The following FYB1 variants were observed in gnomAD, a reference collection of about 807,000 sequenced individuals.
The protein encoded by FYB1 is FYN binding protein 1, also known as FYN-binding protein 1.
FYB1 carries 41 observed loss-of-function variants against 94.1 expected under a neutral mutation model. The ratio of observed to expected loss-of-function variants is 0.44; its 90% CI spans 0.34 to 0.57. The LOEUF is 0.57. Among genes scored for constraint, FYB1 ranks in the 20% least tolerant of loss-of-function variants. The pLI, the probability that FYB1 is intolerant of heterozygous loss-of-function variation, is 0.02. For missense variants in FYB1, 1,050 were observed against 976.8 expected (o/e 1.07, Z -1.00); for synonymous variants, 367 against 353.2 (o/e 1.04, Z -0.44).
intron 1 of FYB1, among the ~76,000 whole-genome samples, chr5:39,238,592 T>C (rs1413784263): frequency 6.6e-6 from 1 of 151,928 alleles, no homozygotes; most frequent in African/African-American, 2.4e-5. Flanking sequence ...TGTAGTCAAA[T>C]AGGGAACTAT....
At chr5:39,118,811 T>G in intron 16 of FYB1, 63 bp downstream of exon 16, 1 of 1,080,940 alleles carries the variant, frequency 9.3e-7, no homozygotes, top group East Asian at 2.8e-5. Context: ...CTAAAACTTG[T>G]TTGGTTGTTA....
chr5:39,190,793 A>ATGT lies in FYB1; in HGVS notation c.1135+11032_1135+11033insACA, dbSNP rs1212353007. The stretch of plus-strand genomic sequence containing the variant: ...TTGTGTGTGTGTGTGTGTGTGTGTG[A>ATGT]GAGAGAGATGTTGGCTTTGTTACAC... On this transcript the variant is annotated intron_variant, in intron 2 of 18. Coordinates refer to ENST00000512982, the MANE Select transcript of FYB1 (RefSeq NM_001465.6). 9.6e-3 allele frequency among the ~76,000 whole-genome samples: 1,416 copies of ATGT among 147,892 alleles called. 34 individuals are homozygous for ATGT. In the East Asian group the frequency reaches 0.11, roughly 12 times the overall value.
intron 1 of FYB1, among the ~76,000 whole-genome samples, chr5:39,207,015 C>A (rs954346294): frequency 1.3e-4 from 19 of 151,892 alleles, no homozygotes; most frequent in Non-Finnish European, 2.9e-5. Flanking sequence ...TACTTTTTTC[C>A]CTTGCTAGTT....
intron 2 of FYB1, among the ~76,000 whole-genome samples, chr5:39,190,463 C>CAGCTGT (rs1395313270): frequency 2.6e-5 from 4 of 152,084 alleles, no homozygotes; most frequent in Admixed American, 2.6e-4. Flanking sequence ...GCAGGGCCCC[C>CAGCTGT]AGCTGGTAGG....
At chr5:39,143,588 A>G (rs1189489543) in intron 3 of FYB1, among the ~76,000 whole-genome samples, 1 of 152,136 alleles carries the variant, frequency 6.6e-6, no homozygotes, top group Admixed American at 6.5e-5. Flanking sequence ...TATCACTCTC[A>G]TGTCCCATAG....
Position 39,134,192 on chromosome 5 carries a change from A to T in FYB1, c.1817+16T>A. The stretch of plus-strand genomic sequence containing the variant: ...GAGACAGTTTGATCTGTTCTACAAT[A>T]CGTACTTGCACATACCTGCTAATAT... On this transcript the variant is annotated intron_variant, in intron 9 of 18. Coordinates refer to ENST00000512982, the MANE Select transcript of FYB1 (RefSeq NM_001465.6). 6.3e-7 allele frequency: 1 copy of T among 1,594,118 alleles called. No individual in the cohort carries two copies.
intron 1 of FYB1, among the ~76,000 whole-genome samples, chr5:39,204,631 G>A (rs1748681258): frequency 6.6e-6 from 1 of 152,090 alleles, no homozygotes; most frequent in African/African-American, 2.4e-5. Context: ...TTGTATCCCT[G>A]CATCACCTAG....
At chr5:39,263,442 A>G (rs1579808071) in intron 1 of FYB1, among the ~76,000 whole-genome samples, 1 of 151,928 alleles carries the variant, frequency 6.6e-6, no homozygotes, top group Admixed American at 6.6e-5. Context: ...TTGCAGAAGG[A>G]GAGGATATGA....
chr5:39,148,747 C>T (rs1371183966), intron 3 of FYB1, among the ~76,000 whole-genome samples: 1 of 152,038 alleles, frequency 6.6e-6, no homozygotes, highest in African/African-American at 2.4e-5. Flanking sequence ...CCAAAAAACC[C>T]TTTAAACTAA....
chr5:39,224,707 C>G (rs1019306118), intron 1 of FYB1, among the ~76,000 whole-genome samples: 2 of 152,184 alleles, frequency 1.3e-5, no homozygotes, highest in Admixed American at 6.5e-5. Context: ...TTACTCAACT[C>G]AACACTCATG....
intron 2 of FYB1, among the ~76,000 whole-genome samples, chr5:39,164,704 C>T (rs543959824): frequency 5.8e-4 from 88 of 152,282 alleles, no homozygotes; most frequent in African/African-American, 2.0e-3. Flanking sequence ...TGTGAGCCAC[C>T]ATGACTGGCC....
chr5:39,139,414 A>T, intron 4 of FYB1, 162 bp from the exon 5 acceptor site: 1 of 542,632 alleles, frequency 1.8e-6, no homozygotes, highest in Non-Finnish European at 2.9e-6. Context: ...CGTACTTTAG[A>T]TCTTTACTAT....
intron 2 of FYB1, among the ~76,000 whole-genome samples, chr5:39,188,533 T>A (rs115177762): frequency 1.8e-5 from 2 of 113,808 alleles, no homozygotes; most frequent in South Asian, 3.2e-4. Context: ...TCTCATCAAC[T>A]ACAGCACTTT....
chr5:39,201,235 G>T (rs1304984824), intron 2 of FYB1, among the ~76,000 whole-genome samples: 1 of 152,170 alleles, frequency 6.6e-6, no homozygotes, highest in African/African-American at 2.4e-5. Context: ...AGGAGGGCTT[G>T]TCATCTCTGT....
At chr5:39,162,477 G>A (rs867835994) in intron 2 of FYB1, among the ~76,000 whole-genome samples, 1 of 152,234 alleles carries the variant, frequency 6.6e-6, no homozygotes, top group African/African-American at 2.4e-5. Context: ...ATGAGGTCAA[G>A]AGATCCAGAC....
intron 1 of FYB1, among the ~76,000 whole-genome samples, chr5:39,262,268 C>A (rs189997807): frequency 6.6e-5 from 10 of 151,764 alleles, no homozygotes; most frequent in Admixed American, 6.6e-4. Context: ...AGGATTAATG[C>A]CTAGAATATA....
chr5:39,154,233 A>G (rs982749482), intron 2 of FYB1, among the ~76,000 whole-genome samples: 13 of 152,216 alleles, frequency 8.5e-5, no homozygotes, highest in African/African-American at 3.1e-4. Flanking sequence ...TATCTGCTAA[A>G]TAGTGACTAG....
At chr5:39,200,807 C>T in intron 2 of FYB1, among the ~76,000 whole-genome samples, 1 of 152,196 alleles carries the variant, frequency 6.6e-6, no homozygotes, top group Non-Finnish European at 1.5e-5. Context: ...CTAGACCATA[C>T]TTCGGTAAGG....
chr5:39,131,643 A>T (rs1235811674), intron 9 of FYB1, among the ~76,000 whole-genome samples: 1 of 152,210 alleles, frequency 6.6e-6, no homozygotes, highest in African/African-American at 2.4e-5. Flanking sequence ...TTTTTGAAGA[A>T]GTTGCAGTAC....
Sources: gnomAD v4.1 joint callset for allele counts (sites outside exome capture counted in the v4.1 genomes callset) on GRCh38, gnomAD v4.1.1 for gene constraint, MANE v1.5 for transcripts, NCBI Gene and HGNC (gene_info 2026-07-23, HGNC 2026-07-21) for gene names.